The following RPS6KA6 variants were observed in gnomAD, a reference collection of about 807,000 sequenced individuals.
RPS6KA6 encodes ribosomal protein S6 kinase alpha-6.
In RPS6KA6, 27 loss-of-function variants were observed where a neutral mutation model predicts 65.4. The observed-to-expected ratio is 0.41, with a 90% CI of 0.30 to 0.57. RPS6KA6 has a LOEUF of 0.57. RPS6KA6 is among the 20% of genes least tolerant of loss of function. The probability of loss-of-function intolerance (pLI) is 0.24; values close to 1 mark genes in which losing one functional copy is unlikely to be tolerated. For missense variants in RPS6KA6, 486 were observed against 555.6 expected, an observed-to-expected ratio of 0.87 and a Z score of 1.26; for synonymous variants, 190 against 184.2, an observed-to-expected ratio of 1.03 and a Z score of -0.26.
chrX:84,158,879 A>C (rs1236077293), intron 2 of RPS6KA6, among the ~76,000 whole-genome samples: 1 of 111,392 alleles, frequency 9.0e-6, no homozygotes, highest in Non-Finnish European at 1.9e-5. Context: ...ACCCTCAGAG[A>C]TTGTGGTTCA....
chrX:84,088,906 T>A (rs1569377060), intron 20 of RPS6KA6, among the ~76,000 whole-genome samples: 1 of 112,050 alleles, frequency 8.9e-6, no homozygotes, highest in South Asian at 3.7e-4. Context: ...ATGGCTATGA[T>A]CTGGCACAGC....
chrX:84,073,219 T>C (rs1222642737), intron 20 of RPS6KA6, among the ~76,000 whole-genome samples: 3 of 111,506 alleles, frequency 2.7e-5, no homozygotes, highest in Non-Finnish European at 3.8e-5. Context: ...CAGAAATGTA[T>C]TGATGCTCTT....
At chrX:84,182,291 A>G (rs932163676) in intron 1 of RPS6KA6, among the ~76,000 whole-genome samples, 1 of 111,366 alleles carries the variant, frequency 9.0e-6, no homozygotes, top group Non-Finnish European at 1.9e-5. Context: ...AATAAAGAAA[A>G]TACACAACAA....
chrX:84,150,801 A>G (rs1177375245), intron 3 of RPS6KA6, among the ~76,000 whole-genome samples: 2 of 103,748 alleles, frequency 1.9e-5, no homozygotes, highest in Non-Finnish European at 3.9e-5. Flanking sequence ...GAGAATATAT[A>G]GAGAGGATAT....
intron 8 of RPS6KA6, among the ~76,000 whole-genome samples, chrX:84,127,139 G>T (rs1474493084): frequency 2.7e-5 from 3 of 111,102 alleles, no homozygotes; most frequent in African/African-American, 9.8e-5. Flanking sequence ...AATTAGAGAT[G>T]AAAAAGGAAA....
chrX:84,068,240 A>G (rs1257218909), intron 20 of RPS6KA6, among the ~76,000 whole-genome samples: 2 of 112,024 alleles, frequency 1.8e-5, no homozygotes, highest in Non-Finnish European at 3.8e-5. Flanking sequence ...TAGCATCATG[A>G]TGACACGATC....
At position 84,061,140 on chromosome X, in the gene RPS6KA6, A is replaced by G. The variant is rs1050586386; in HGVS notation, c.*3137T>C. ...GAAAGAGAATGTACAGAATACCACA[A>G]ATATGCTTTGCCCACTTTAAAGCCT... On this transcript the variant is annotated 3_prime_UTR_variant, in exon 22 of 22. Coordinates refer to ENST00000262752, the MANE Select transcript of RPS6KA6 (RefSeq NM_014496.5). 6.2e-5 allele frequency: 7 copies of G among 112,330 alleles called. No homozygotes were observed. The highest frequency in any genetic ancestry group is 4.7e-4 in the Admixed American group (5 of 10,627). 9.3% of individuals were successfully genotyped at this position (112,330 alleles called of 1,213,427 possible).
intron 2 of RPS6KA6, among the ~76,000 whole-genome samples, chrX:84,163,977 C>T (rs2035558412): frequency 8.9e-6 from 1 of 111,963 alleles, no homozygotes; most frequent in Admixed American, 9.5e-5. Context: ...ATCCTTTCTA[C>T]CCTGAGGTTG....
intron 12 of RPS6KA6, among the ~76,000 whole-genome samples, chrX:84,108,879 T>A (rs1461971279): frequency 1.8e-5 from 2 of 111,976 alleles, no homozygotes; most frequent in African/African-American, 6.5e-5. Flanking sequence ...CTGCAAAGAC[T>A]GCCGGTCTCA....
At chrX:84,094,120 A>C (rs769127320) in intron 20 of RPS6KA6, among the ~76,000 whole-genome samples, 8 of 109,818 alleles carry the variant, frequency 7.3e-5, no homozygotes, top group Non-Finnish European at 1.1e-4. Context: ...AGTGGTGAGG[A>C]GCTGAAGCCA....
At chrX:84,174,438 C>CT (rs779134946) in intron 1 of RPS6KA6, among the ~76,000 whole-genome samples, 4 of 111,011 alleles carry the variant, frequency 3.6e-5, no homozygotes, top group Non-Finnish European at 7.6e-5. Context: ...AAAGAGATGT[C>CT]TTTTTTTTAA....
At chrX:84,090,584 G>A (rs1323250935) in intron 20 of RPS6KA6, among the ~76,000 whole-genome samples, 1 of 111,905 alleles carries the variant, frequency 8.9e-6, no homozygotes, top group Non-Finnish European at 1.9e-5. Flanking sequence ...AATCACGGTA[G>A]AAGGAGGAGC....
At chrX:84,151,276 CAT>C (rs1172551066) in intron 3 of RPS6KA6, among the ~76,000 whole-genome samples, 2 of 103,402 alleles carry the variant, frequency 1.9e-5, no homozygotes, top group Non-Finnish European at 3.9e-5. Context: ...CACACATATA[CAT>C]ATATATACAC....
intron 18 of RPS6KA6, among the ~76,000 whole-genome samples, chrX:84,099,766 T>C (rs981024003): frequency 4.5e-5 from 5 of 111,081 alleles, no homozygotes; most frequent in Non-Finnish European, 5.7e-5. Flanking sequence ...TTTTGCAACA[T>C]AGGTATAGTA....
chrX:84,104,274 C>G (rs1393711286), intron 17 of RPS6KA6, among the ~76,000 whole-genome samples: 1 of 110,993 alleles, frequency 9.0e-6, no homozygotes, highest in Non-Finnish European at 1.9e-5. Flanking sequence ...TTATATAATT[C>G]AAACCGCTTT....
intron 1 of RPS6KA6, among the ~76,000 whole-genome samples, chrX:84,166,683 G>A (rs1208961530): frequency 9.0e-6 from 1 of 110,784 alleles, no homozygotes. Context: ...CGAAATAAAG[G>A]CAATTTCATT....
In RPS6KA6 at chrX:84,183,019, T is replaced by G. The variant is rs771990674; in HGVS notation, c.81+4800A>C. Among the ~76,000 whole-genome samples the G allele has an allele frequency of 1.2e-3, 137 of 112,228 alleles. No homozygotes were observed. The Middle Eastern group carries it at 0.014, about 11-fold the overall frequency. The stretch of plus-strand genomic sequence containing the variant: ...GTATTCACCTTTGGTAGTAAAGAAT[T>G]TAAGCATTCTAAGCACGATCAGAAA... On this transcript the variant is annotated intron_variant, in intron 1 of 21. Coordinates refer to ENST00000262752, the MANE Select transcript of RPS6KA6 (RefSeq NM_014496.5).
chrX:84,150,182 T>C (rs1300537148), intron 3 of RPS6KA6, among the ~76,000 whole-genome samples: 2 of 112,122 alleles, frequency 1.8e-5, no homozygotes, highest in African/African-American at 6.5e-5. Flanking sequence ...AGCTAGGGAA[T>C]TGCTCTAGAT....
intron 20 of RPS6KA6, among the ~76,000 whole-genome samples, chrX:84,068,340 AAT>A (rs2033450945): frequency 8.9e-6 from 1 of 112,382 alleles, no homozygotes; most frequent in Admixed American, 9.4e-5. Context: ...CGATTATCTC[AAT>A]AGACGCAGAA....
Sources: gnomAD v4.1 joint callset for allele counts (sites outside exome capture counted in the v4.1 genomes callset) on GRCh38, gnomAD v4.1.1 for gene constraint, MANE v1.5 for transcripts, NCBI Gene and HGNC (gene_info 2026-07-23, HGNC 2026-07-21) for gene names.